Variants in CSE1L observed in about 807,000 individuals in gnomAD.
CSE1L encodes the protein chromosome segregation 1 like.
Under a neutral mutation model 120.4 loss-of-function variants are expected in CSE1L, and 24 were observed. The ratio of observed to expected loss-of-function variants is 0.20; its 90% CI spans 0.14 to 0.28. CSE1L has a LOEUF of 0.28. CSE1L is among the 10% of genes least tolerant of loss of function. The probability of loss-of-function intolerance (pLI) is 1.00; values close to 1 mark genes in which losing one functional copy is unlikely to be tolerated. For missense variants in CSE1L, 830 were observed against 1,145.2 expected (o/e 0.72, Z 3.97); for synonymous variants, 402 against 398.3 (o/e 1.01, Z -0.11).
chr20:49,058,584 C>A, intron 2 of CSE1L, 36 bp downstream of exon 2: 2 of 1,528,104 alleles, frequency 1.3e-6, no homozygotes, highest in Non-Finnish European at 1.8e-6. Flanking sequence ...TGATTAATTC[C>A]TTCAGGACAG....
intron 15 of CSE1L, 91 bp from the exon 16 acceptor site, chr20:49,085,192 C>A: frequency 1.1e-6 from 1 of 905,426 alleles, no homozygotes; most frequent in Non-Finnish European, 1.8e-6. Context: ...CAGTTTTATG[C>A]TGAGAAGGGT....
In CSE1L at chr20:49,090,873, G is replaced by A. The variant is rs2092095795; in HGVS notation, c.2279+34G>A. ...GACTAGAACTTTGTGCATTTATTTA[G>A]AAATTTTGTTAGGTGCTCAGAAAAG... On this transcript the variant is annotated intron_variant, in intron 20 of 24. Transcript: ENST00000262982. 2.5e-6 allele frequency: 4 copies of A among 1,604,202 alleles called. No individual in the cohort carries two copies. In the South Asian group the frequency reaches 4.5e-5, roughly 18 times the overall value.
chr20:49,084,264 A>G, intron 15 of CSE1L, 102 bp downstream of exon 15: 1 of 1,198,144 alleles, frequency 8.3e-7, no homozygotes, highest in Non-Finnish European at 1.2e-6. Flanking sequence ...GGGAAAACAA[A>G]TGTCTGCTTT....
intron 14 of CSE1L, among the ~76,000 whole-genome samples, chr20:49,080,947 T>C (rs905444293): frequency 6.6e-6 from 1 of 151,990 alleles, no homozygotes; most frequent in African/African-American, 2.4e-5. Context: ...TGGCTAATTT[T>C]TTATACTTTT....
At position 49,094,864 on chromosome 20, in the gene CSE1L, T is replaced by A. The variant is rs746256738; in HGVS notation, c.2727T>A (p.Ala909=). The A allele has an allele frequency of 6.2e-7, 1 of 1,614,094 alleles. No homozygotes were observed. Among genetic ancestry groups the A allele is most frequent in the South Asian group, 1.1e-5 (1 of 91,074 alleles). ...YQTAFSQLAF[A]GKKEHDPVGQ... ...CTGCCTTCTCACAGTTGGCATTTGC[T>A]GGGAAAAAAGAGCATGATCCTGTAG... Residue 909 remains alanine, a synonymous_variant, in exon 24 of 25, where the codon GCT becomes GCA. Coordinates refer to ENST00000262982, the MANE Select transcript of CSE1L (RefSeq NM_001316.4).
chr20:49,073,078 C>T (rs144917830), intron 10 of CSE1L, among the ~76,000 whole-genome samples: 1 of 150,652 alleles, frequency 6.6e-6, no homozygotes, highest in Non-Finnish European at 1.5e-5. Flanking sequence ...GTGATGCAAT[C>T]TTGGCTCACT....
At position 49,081,607 on chromosome 20, in the gene CSE1L, T is replaced by C. The variant is rs369342682; in HGVS notation, c.1483-2419T>C. Among the ~76,000 whole-genome samples the C allele has an allele frequency of 2.6e-5, 4 of 152,330 alleles. No individual in the cohort carries two copies. The East Asian group carries it at 7.7e-4, about 29-fold the overall frequency. ...TGAGTTCAGTTAAGCATCTTTCCAC[T>C]TGAAGGGTCCATTTTCATTTCTTTT... On this transcript the variant is annotated intron_variant, in intron 14 of 24. Coordinates refer to ENST00000262982, the MANE Select transcript of CSE1L (RefSeq NM_001316.4).
intron 1 of CSE1L, among the ~76,000 whole-genome samples, chr20:49,054,403 C>A (rs2123654573): frequency 6.6e-6 from 1 of 152,316 alleles, no homozygotes; most frequent in Admixed American, 6.5e-5. Context: ...CTTTTCACAT[C>A]AGCCTTTCTA....
At position 49,066,236 on chromosome 20, in the gene CSE1L, C is replaced by A. The variant is rs562112551; in HGVS notation, c.273C>A (p.Ala91=). The part of the protein sequence containing the change: ...PNKICEADRV[A]IKANIVHLML... ...AAATTTGTGAAGCCGATCGAGTGGC[C>A]ATTAAAGCCAACATAGTGCACTTGA... The change falls in exon 4 of 25, where the codon GCC becomes GCA. Residue 91 remains alanine, a synonymous_variant. Coordinates refer to ENST00000262982, the MANE Select transcript of CSE1L (RefSeq NM_001316.4). 5.3e-5 allele frequency: 85 copies of A among 1,614,186 alleles called. 3 individuals carry two copies. In the South Asian group the frequency reaches 8.7e-4, roughly 16 times the overall value.
intron 1 of CSE1L, among the ~76,000 whole-genome samples, chr20:49,052,043 A>G (rs2091770031): frequency 6.6e-6 from 1 of 152,192 alleles, no homozygotes; most frequent in Non-Finnish European, 1.5e-5. Context: ...TGAATAAACA[A>G]ATTTAATTGT....
In CSE1L at chr20:49,067,174, T is replaced by C. The variant is rs143848207; in HGVS notation, c.477-16T>C. 44 of 1,543,960 alleles carry C rather than the reference T, an allele frequency of 2.8e-5. No homozygotes were observed. The African/African-American group carries it at 3.8e-4, about 13-fold the overall frequency. ...AAAAAACTTGTAAATTTATCTGTTT[T>C]ACCTTAATTTTCTAGATACCGTCAT... On this transcript the variant is annotated splice_polypyrimidine_tract_variant and intron_variant, in intron 5 of 24. Coordinates refer to ENST00000262982, the MANE Select transcript of CSE1L (RefSeq NM_001316.4).
chr20:49,090,138 T>A (rs553892541), intron 19 of CSE1L, among the ~76,000 whole-genome samples: 29 of 151,836 alleles, frequency 1.9e-4, no homozygotes, highest in African/African-American at 7.0e-4. Context: ...AAAAAAATAA[T>A]AATAATAATA....
At chr20:49,093,606 G>A (rs1325500046) in intron 22 of CSE1L, among the ~76,000 whole-genome samples, 2 of 136,294 alleles carry the variant, frequency 1.5e-5, no homozygotes, top group East Asian at 2.1e-4. Context: ...GACTGGCCAG[G>A]TGTAATTTTT....
intron 14 of CSE1L, among the ~76,000 whole-genome samples, chr20:49,078,832 C>G (rs894478256): frequency 6.6e-6 from 1 of 152,160 alleles, no homozygotes; most frequent in Non-Finnish European, 1.5e-5. Flanking sequence ...AGATAATGTC[C>G]ACACATTGCT....
chr20:49,071,741 C>G (rs1038461878), intron 8 of CSE1L, among the ~76,000 whole-genome samples: 6 of 152,086 alleles, frequency 3.9e-5, no homozygotes, highest in Non-Finnish European at 8.8e-5. Flanking sequence ...GCCTATAATC[C>G]CAGCACTTTG....
intron 13 of CSE1L, among the ~76,000 whole-genome samples, chr20:49,077,648 T>C (rs1568778508): frequency 6.6e-6 from 1 of 152,202 alleles, no homozygotes; most frequent in Non-Finnish European, 1.5e-5. Flanking sequence ...TTCTTTTTTA[T>C]TTGAAAGACG....
intron 21 of CSE1L, among the ~76,000 whole-genome samples, chr20:49,091,245 A>G (rs2092098982): frequency 6.6e-6 from 1 of 152,050 alleles, no homozygotes; most frequent in African/African-American, 2.4e-5. Context: ...CAACATGGCG[A>G]AACCCTGTCC....
chr20:49,075,263 A>G (rs2091960860), intron 11 of CSE1L, 55 bp from the exon 12 acceptor site: 1 of 1,345,208 alleles, frequency 7.4e-7, no homozygotes, highest in Non-Finnish European at 1.0e-6. Flanking sequence ...AAATTGGATC[A>G]GCTTGTTGGT....
rs933213005 is a variant in CSE1L, at chr20:49,096,807, C to T, written c.*369C>T. 4 of 187,802 alleles carry T rather than the reference C, an allele frequency of 2.1e-5. No homozygotes were observed. Among genetic ancestry groups the T allele is most frequent in the Non-Finnish European group, 4.4e-5 (4 of 90,748 alleles). The allele number at this position is 187,802 out of a possible 1,614,324, so 11.6% of individuals were successfully genotyped here. A position where few individuals can be genotyped will look rare whatever the true frequency, so the allele number is the denominator to read the frequency against. On this transcript the variant is annotated 3_prime_UTR_variant, in exon 25 of 25. Transcript: ENST00000262982. ...CTGTTGCTATTTGTATTTCTCTTGT[C>T]CTTTATATTTTTTGTCTGTTTATTT...
Sources: allele counts gnomAD v4.1 joint callset (sites outside exome capture counted in the v4.1 genomes callset), GRCh38; gene constraint gnomAD v4.1.1; transcripts MANE v1.5; gene names NCBI Gene and HGNC (gene_info 2026-07-23, HGNC 2026-07-21).